The following CASR variants were observed in gnomAD, a reference collection of about 807,000 sequenced individuals.
The protein encoded by CASR is extracellular calcium-sensing receptor.
A neutral mutation model predicts 69.1 loss-of-function variants in CASR; 23 were observed. That is an observed-to-expected ratio of 0.33 (90% CI 0.24 to 0.47). The LOEUF (loss-of-function observed/expected upper bound fraction) is 0.47. CASR is among the 20% of genes least tolerant of loss of function. The pLI is 1.00. For synonymous variants in CASR, 541 were observed against 544.7 expected, an observed-to-expected ratio of 0.99 and a Z score of 0.10; for missense variants, 924 against 1,356.1, an observed-to-expected ratio of 0.68 and a Z score of 5.00.
intron 5 of CASR, among the ~76,000 whole-genome samples, chr3:122,281,843 A>G (rs979118341): frequency 6.6e-6 from 1 of 151,864 alleles, no homozygotes; most frequent in African/African-American, 2.4e-5. Flanking sequence ...TCATCATAGA[A>G]TCCCAAGGGT....
At chr3:122,251,614 G>A (rs2074484576) in intron 1 of CASR, among the ~76,000 whole-genome samples, 1 of 152,222 alleles carries the variant, frequency 6.6e-6, no homozygotes, top group Non-Finnish European at 1.5e-5. Flanking sequence ...CCAAGGAGGG[G>A]AACAGCAAGT....
At position 122,262,268 on chromosome 3, in the gene CASR, C is replaced by T. The variant is rs2107633138; in HGVS notation, c.1233C>T (p.Tyr411=). ...GTGTCGAGACCCCTTACATAGATTA[C>T]ACGCATTTACGGATATCCTACAATG... is the stretch of plus-strand genomic sequence containing the variant. ...ISSVETPYID[Y]THLRISYNVY... Residue 411 remains tyrosine (Y), a synonymous_variant, in exon 4 of 7, where the codon TAC becomes TAT. Coordinates refer to ENST00000639785, the MANE Select transcript of CASR (RefSeq NM_000388.4). The T allele has an allele frequency of 6.2e-7, 1 of 1,614,190 alleles. No individual in the cohort carries two copies. The highest frequency in any genetic ancestry group is 8.5e-7 in the Non-Finnish European group (1 of 1,180,020).
At chr3:122,199,929 T>C (rs1359842565) in intron 1 of CASR, among the ~76,000 whole-genome samples, 1 of 152,200 alleles carries the variant, frequency 6.6e-6, no homozygotes, top group Non-Finnish European at 1.5e-5. Flanking sequence ...GTTTTTGAGA[T>C]GCAGTTTCGC....
chr3:122,185,486 T>C (rs1417949691), intron 1 of CASR, among the ~76,000 whole-genome samples: 1 of 152,216 alleles, frequency 6.6e-6, no homozygotes, highest in African/African-American at 2.4e-5. Flanking sequence ...AAAAGGCACA[T>C]TGGGGAAGAG....
chr3:122,216,491 G>A (rs2074118579), intron 1 of CASR, among the ~76,000 whole-genome samples: 1 of 152,148 alleles, frequency 6.6e-6, no homozygotes, highest in Non-Finnish European at 1.5e-5. Flanking sequence ...AAGTTCTTTT[G>A]ACATTTAACT....
At chr3:122,238,227 AG>A (rs772781111) in intron 1 of CASR, among the ~76,000 whole-genome samples, 4 of 152,204 alleles carry the variant, frequency 2.6e-5, no homozygotes, top group Non-Finnish European at 5.9e-5. Flanking sequence ...GTGTGGTGCA[AG>A]AGAAAATCTG....
intron 1 of CASR, among the ~76,000 whole-genome samples, chr3:122,199,520 A>G (rs1162485655): frequency 6.6e-6 from 1 of 152,202 alleles, no homozygotes; most frequent in African/African-American, 2.4e-5. Context: ...CCAGTGTTTT[A>G]TTAGGATTTT....
intron 1 of CASR, among the ~76,000 whole-genome samples, chr3:122,201,476 T>C (rs6438709): frequency 0.9 from 137,353 of 152,280 alleles, 62,645 homozygotes; most frequent in Admixed American, 0.93. Flanking sequence ...TCCACAAAAC[T>C]GCCATTGTCA....
Position 122,212,324 on chromosome 3 carries a change from G to A in CASR, c.-243+28512G>A, listed in dbSNP as rs143649024. Among the ~76,000 whole-genome samples, 1,107 of 152,178 alleles carry A rather than the reference G, an allele frequency of 7.3e-3. 6 individuals are homozygous for A. Among genetic ancestry groups the A allele is most frequent in the Non-Finnish European group, 0.013 (864 of 68,000 alleles). ...AACTCAGGAACAGAAACCCAAACAC[G>A]GTATGTTCTCACTTATAAGTGGGAG... On this transcript the variant is annotated intron_variant, in intron 1 of 6. Coordinates refer to ENST00000639785, the MANE Select transcript of CASR (RefSeq NM_000388.4).
intron 4 of CASR, among the ~76,000 whole-genome samples, chr3:122,268,501 C>T (rs918345183): frequency 5.3e-5 from 8 of 152,204 alleles, no homozygotes. Context: ...AGTGAAGACA[C>T]TGGTCCACTG....
chr3:122,258,143 T>C (rs2074576713), intron 3 of CASR, among the ~76,000 whole-genome samples: 3 of 152,240 alleles, frequency 2.0e-5, no homozygotes, highest in Non-Finnish European at 4.4e-5. Context: ...TTCAGTTTAA[T>C]ATTTATAAAT....
chr3:122,218,393 G>A (rs188701773), intron 1 of CASR, among the ~76,000 whole-genome samples: 13 of 151,968 alleles, frequency 8.6e-5, no homozygotes, highest in Admixed American at 5.9e-4. Flanking sequence ...AATTAGCCAG[G>A]CGGTGTGGCA....
intron 1 of CASR, among the ~76,000 whole-genome samples, chr3:122,221,814 G>A (rs80009321): frequency 0.015 from 2,314 of 152,306 alleles, 27 homozygotes; most frequent in Non-Finnish European, 0.025. Context: ...TGTGAGTAGC[G>A]ATAGTATCTG....
chr3:122,203,568 C>CA (rs34678345), intron 1 of CASR, among the ~76,000 whole-genome samples: 2 of 151,360 alleles, frequency 1.3e-5, no homozygotes, highest in Non-Finnish European at 2.9e-5. Flanking sequence ...TATAAAAGGC[C>CA]AAAAAAAGGG....
rs746754045 is a variant in CASR, at chr3:122,282,064, C to G, written c.1609-49C>G. 4 of 1,614,000 alleles carry G rather than the reference C, an allele frequency of 2.5e-6. No individual in the cohort carries two copies. In the South Asian group the frequency reaches 4.4e-5, roughly 18 times the overall value. On this transcript the variant is annotated intron_variant, in intron 5 of 6. Transcript: ENST00000639785. ...TTTTGAAGAGACAGTAGGGCTGGCC[C>G]CTGACCCTACAACTACAGCCACTCA...
intron 1 of CASR, among the ~76,000 whole-genome samples, chr3:122,243,673 G>C (rs1399134858): frequency 1.3e-5 from 2 of 152,044 alleles, no homozygotes; most frequent in Non-Finnish European, 2.9e-5. Flanking sequence ...CCACTGCTAG[G>C]TATATATACC....
Position 122,185,081 on chromosome 3 carries a change from G to A in CASR, c.-243+1269G>A, listed in dbSNP as rs541257288. Among the ~76,000 whole-genome samples, 6 of 151,148 alleles carry A rather than the reference G, an allele frequency of 4.0e-5. 1 individual carries two copies. Among genetic ancestry groups the A allele is most frequent in the African/African-American group, 1.5e-4 (6 of 41,228 alleles). ...ACCAGCCTCCATGTGTATTTCCTGG[G>A]GAGAAAAAAAAAAGGCATACCAGAC... On this transcript the variant is annotated intron_variant, in intron 1 of 6. Coordinates refer to ENST00000639785, the MANE Select transcript of CASR (RefSeq NM_000388.4).
At chr3:122,271,304 G>A (rs1428448167) in intron 4 of CASR, among the ~76,000 whole-genome samples, 1 of 152,202 alleles carries the variant, frequency 6.6e-6, no homozygotes, top group Non-Finnish European at 1.5e-5. Flanking sequence ...CTGCTTTAGA[G>A]AAGTTTGGTC....
intron 1 of CASR, among the ~76,000 whole-genome samples, chr3:122,222,702 A>C (rs1034849169): frequency 2.0e-5 from 3 of 152,130 alleles, no homozygotes; most frequent in Admixed American, 6.6e-5. Flanking sequence ...TAAACTCAAC[A>C]CTTGACCAAT....
Sources: gnomAD v4.1 joint callset for allele counts (sites outside exome capture counted in the v4.1 genomes callset) on GRCh38, gnomAD v4.1.1 for gene constraint, MANE v1.5 for transcripts, NCBI Gene and HGNC (gene_info 2026-07-23, HGNC 2026-07-21) for gene names.